The following POU2F1 variants were observed in gnomAD, a reference collection of about 807,000 sequenced individuals.
POU2F1 encodes POU domain, class 2, transcription factor 1.
POU2F1 carries 16 observed loss-of-function variants against 84.9 expected under a neutral mutation model. The observed-to-expected ratio is 0.19, with a 90% CI of 0.13 to 0.29. The LOEUF is 0.29. Among genes scored for constraint, POU2F1 ranks in the 10% least tolerant of loss-of-function variants. The pLI is 1.00. For missense variants in POU2F1, 738 were observed against 942.6 expected, an observed-to-expected ratio of 0.78 and a Z score of 2.84; for synonymous variants, 368 against 368.3, an observed-to-expected ratio of 1.00 and a Z score of 0.01.
At position 167,426,224 on chromosome 1, in the gene POU2F1, A is replaced by G. The variant is rs887803615; in HGVS notation, c.*10414A>G. 1.3e-4 allele frequency: 9 copies of G among 67,146 alleles called. No homozygotes were observed. The highest frequency in any genetic ancestry group is 3.5e-4 in the African/African-American group (9 of 26,028). The allele number at this position is 67,146 out of a possible 1,614,324, so 4.2% of individuals were successfully genotyped here. Reference sequence around the variant, plus strand: ...AAAGCTTAGATGTATATTTTGGTATATTTCTGGGATATTAAAAAAAAAATG... The same window carrying G: ...AAAGCTTAGATGTATATTTTGGTATGTTTCTGGGATATTAAAAAAAAAATG... On this transcript the variant is annotated 3_prime_UTR_variant, in exon 16 of 16. Coordinates refer to ENST00000367866, the MANE Select transcript of POU2F1 (RefSeq NM_002697.4).
chr1:167,279,957 GC>G (rs1653002021), intron 1 of POU2F1, among the ~76,000 whole-genome samples: 1 of 152,152 alleles, frequency 6.6e-6, no homozygotes, highest in Non-Finnish European at 1.5e-5. Flanking sequence ...TGTAATCTCA[GC>G]ACTTTGGGAG....
intron 2 of POU2F1, among the ~76,000 whole-genome samples, chr1:167,339,922 T>G (rs1216070217): frequency 2.0e-5 from 3 of 152,208 alleles, no homozygotes; most frequent in Non-Finnish European, 4.4e-5. Flanking sequence ...GATTTAAACA[T>G]TTTACATAGA....
chr1:167,346,524 G>C (rs1268371400), intron 2 of POU2F1, among the ~76,000 whole-genome samples: 1 of 152,136 alleles, frequency 6.6e-6, no homozygotes, highest in Non-Finnish European at 1.5e-5. Context: ...GCGAGTAGGG[G>C]ATGGTTTGGG....
At chr1:167,244,109 A>G (rs139313268) in intron 1 of POU2F1, among the ~76,000 whole-genome samples, 1 of 152,300 alleles carries the variant, frequency 6.6e-6, no homozygotes, top group East Asian at 1.9e-4. Flanking sequence ...AGGCTTACAG[A>G]GTCAAATGGC....
chr1:167,345,158 G>A (rs1202658015), intron 2 of POU2F1, among the ~76,000 whole-genome samples: 1 of 152,084 alleles, frequency 6.6e-6, no homozygotes, highest in Non-Finnish European at 1.5e-5. Context: ...TATGTATCCC[G>A]GAACTTAAAG....
At chr1:167,268,209 A>G (rs1199694597) in intron 1 of POU2F1, among the ~76,000 whole-genome samples, 1 of 152,212 alleles carries the variant, frequency 6.6e-6, no homozygotes, top group African/African-American at 2.4e-5. Flanking sequence ...TTATTAGGAT[A>G]TAATTATATT....
At chr1:167,299,340 C>A (rs982787738) in intron 1 of POU2F1, among the ~76,000 whole-genome samples, 1 of 151,982 alleles carries the variant, frequency 6.6e-6, no homozygotes, top group African/African-American at 2.4e-5. Flanking sequence ...AAAAATCTTA[C>A]AAGTAGTGTT....
At chr1:167,264,340 A>G (rs971627844) in intron 1 of POU2F1, among the ~76,000 whole-genome samples, 1 of 152,130 alleles carries the variant, frequency 6.6e-6, no homozygotes. Context: ...CAGAGTGAGC[A>G]GTATGCACCA....
intron 1 of POU2F1, among the ~76,000 whole-genome samples, chr1:167,281,976 T>A (rs1288139774): frequency 6.6e-6 from 1 of 152,144 alleles, no homozygotes; most frequent in East Asian, 1.9e-4. Flanking sequence ...CAAGGCTTCC[T>A]TCTTTATATT....
At chr1:167,239,686 C>T (rs766364757) in intron 1 of POU2F1, among the ~76,000 whole-genome samples, 1 of 152,146 alleles carries the variant, frequency 6.6e-6, no homozygotes, top group Non-Finnish European at 1.5e-5. Flanking sequence ...ATGAAAGTTT[C>T]CTCTCAGCAT....
intron 13 of POU2F1, among the ~76,000 whole-genome samples, chr1:167,411,334 G>A (rs1649952362): frequency 2.0e-5 from 3 of 151,800 alleles, no homozygotes; most frequent in Non-Finnish European, 4.4e-5. Context: ...CACCATACCC[G>A]GCCTACAAAT....
rs34032944 is a variant in POU2F1, at chr1:167,416,087, TAAAAA to T, written c.*292_*296del. 34 of 351,510 alleles carry T rather than the reference TAAAAA, an allele frequency of 9.7e-5. No homozygotes were observed. Among genetic ancestry groups the T allele is most frequent in the South Asian group, 2.1e-4 (10 of 47,058 alleles). 21.8% of individuals were successfully genotyped at this position (351,510 alleles called of 1,614,324 possible). On this transcript the variant is annotated 3_prime_UTR_variant, in exon 16 of 16. Coordinates refer to ENST00000367866, the MANE Select transcript of POU2F1 (RefSeq NM_002697.4). ...ATTGGAGAACTTTCTAACCAAAAAT[TAAAAA>T]AAAAAAAAAAAAAAGAAACAAAAAA...
At chr1:167,300,684 C>T (rs1203242226) in intron 1 of POU2F1, among the ~76,000 whole-genome samples, 2 of 151,986 alleles carry the variant, frequency 1.3e-5, no homozygotes, top group Admixed American at 6.5e-5. Context: ...AGGATGGTCT[C>T]GATCTCTTGA....
At chr1:167,231,320 G>A (rs553559754) in intron 1 of POU2F1, among the ~76,000 whole-genome samples, 2 of 151,938 alleles carry the variant, frequency 1.3e-5, no homozygotes, top group South Asian at 2.1e-4. Context: ...TTATCAGTTC[G>A]GCTTTCATCT....
intron 2 of POU2F1, among the ~76,000 whole-genome samples, chr1:167,354,113 T>C (rs1441793879): frequency 1.3e-5 from 2 of 152,236 alleles, no homozygotes; most frequent in Non-Finnish European, 2.9e-5. Flanking sequence ...ATAATTCATT[T>C]TCACTGGATA....
At chr1:167,256,350 G>A (rs968211354) in intron 1 of POU2F1, among the ~76,000 whole-genome samples, 1 of 151,452 alleles carries the variant, frequency 6.6e-6, no homozygotes, top group Admixed American at 6.6e-5. Flanking sequence ...AGTTCCTTGA[G>A]ACAATAAATT....
intron 1 of POU2F1, among the ~76,000 whole-genome samples, chr1:167,242,667 G>A (rs1649997283): frequency 6.6e-6 from 1 of 152,192 alleles, no homozygotes; most frequent in Non-Finnish European, 1.5e-5. Flanking sequence ...AGGAGTCACA[G>A]CTTAACCTGT....
At chr1:167,334,961 G>A (rs1467240828) in intron 2 of POU2F1, among the ~76,000 whole-genome samples, 3 of 140,568 alleles carry the variant, frequency 2.1e-5, no homozygotes, top group Non-Finnish European at 4.7e-5. Context: ...GTTTACAATT[G>A]TAATAATTTT....
intron 1 of POU2F1, among the ~76,000 whole-genome samples, chr1:167,309,170 A>G (rs78677444): frequency 6.6e-6 from 1 of 151,676 alleles, no homozygotes; most frequent in East Asian, 1.9e-4. Context: ...AGAAGTCAAG[A>G]TGTGGGTGCC....
Sources: gnomAD v4.1 joint callset for allele counts (sites outside exome capture counted in the v4.1 genomes callset) on GRCh38, gnomAD v4.1.1 for gene constraint, MANE v1.5 for transcripts, NCBI Gene and HGNC (gene_info 2026-07-23, HGNC 2026-07-21) for gene names.